The following EXT2 variants were observed in gnomAD, a reference collection of about 807,000 sequenced individuals.
EXT2 encodes exostosin glycosyltransferase 2.
EXT2 carries 53 observed loss-of-function variants against 81.6 expected under a neutral mutation model. The observed-to-expected ratio is 0.65, with a 90% CI of 0.52 to 0.82. The LOEUF is 0.82. EXT2 is among the 40% of genes least tolerant of loss of function. The pLI is 0.00. For missense variants in EXT2, 774 were observed against 910.2 expected (o/e 0.85, Z 1.93); for synonymous variants, 320 against 340.0 (o/e 0.94, Z 0.65).
chr11:44,212,963 T>C (rs896010050), intron 10 of EXT2, among the ~76,000 whole-genome samples: 3 of 152,174 alleles, frequency 2.0e-5, no homozygotes, highest in African/African-American at 4.8e-5. Context: ...TATTATGATA[T>C]GGTGGTGGTT....
At chr11:44,212,025 C>A (rs1034862037) in intron 10 of EXT2, among the ~76,000 whole-genome samples, 1 of 152,128 alleles carries the variant, frequency 6.6e-6, no homozygotes, top group South Asian at 2.1e-4. Context: ...GTGGCTCACA[C>A]CTGTAATCCC....
chr11:44,222,760 T>TA (rs879617366), intron 10 of EXT2, among the ~76,000 whole-genome samples: 107 of 146,430 alleles, frequency 7.3e-4, no homozygotes, highest in African/African-American at 1.2e-3. Flanking sequence ...GCATGATCCA[T>TA]AAAAAAAAAA....
At chr11:44,221,377 C>T (rs1590658881) in intron 10 of EXT2, among the ~76,000 whole-genome samples, 1 of 152,074 alleles carries the variant, frequency 6.6e-6, no homozygotes, top group South Asian at 2.1e-4. Context: ...AATATGAGAT[C>T]GTTATTTTAA....
intron 1 of EXT2, among the ~76,000 whole-genome samples, chr11:44,097,512 A>C (rs1953915483): frequency 6.6e-6 from 1 of 152,146 alleles, no homozygotes; most frequent in African/African-American, 2.4e-5. Context: ...AGAAGAGGCC[A>C]GGCGCGGTGG....
chr11:44,138,434 G>A (rs780211767), intron 7 of EXT2, among the ~76,000 whole-genome samples: 2 of 152,078 alleles, frequency 1.3e-5, no homozygotes, highest in African/African-American at 2.4e-5. Context: ...TAGGTCTCCT[G>A]ACTCCCAGTC....
At chr11:44,157,690 A>T (rs1439292365) in intron 7 of EXT2, among the ~76,000 whole-genome samples, 1 of 151,932 alleles carries the variant, frequency 6.6e-6, no homozygotes, top group Non-Finnish European at 1.5e-5. Context: ...CTGGGATAAG[A>T]CCCCAAAGTC....
chr11:44,232,519 A>G, intron 11 of EXT2, 23 bp downstream of exon 11: 1 of 1,613,438 alleles, frequency 6.2e-7, no homozygotes, highest in Non-Finnish European at 8.5e-7. Flanking sequence ...AGTCCTGGCA[A>G]GGTGACAAAA....
chr11:44,098,916 G>A (rs1953942640), intron 1 of EXT2, among the ~76,000 whole-genome samples: 1 of 152,128 alleles, frequency 6.6e-6, no homozygotes. Context: ...AAACTTGGAT[G>A]CTAAACCGTG....
intron 7 of EXT2, among the ~76,000 whole-genome samples, chr11:44,160,937 T>A (rs952251996): frequency 2.0e-5 from 3 of 152,234 alleles, no homozygotes; most frequent in Admixed American, 2.0e-4. Context: ...CACATTTGTA[T>A]CCTTTTTCTG....
intron 10 of EXT2, among the ~76,000 whole-genome samples, chr11:44,228,054 C>G (rs1955857421): frequency 6.6e-6 from 1 of 152,168 alleles, no homozygotes; most frequent in Non-Finnish European, 1.5e-5. Flanking sequence ...CCCCATTTGA[C>G]TAGTGGTGTG....
chr11:44,215,713 G>A (rs1340192992), intron 10 of EXT2, among the ~76,000 whole-genome samples: 1 of 151,916 alleles, frequency 6.6e-6, no homozygotes, highest in Non-Finnish European at 1.5e-5. Context: ...TTCTGTAATA[G>A]TTAAATTCAT....
Position 44,237,902 on chromosome 11 carries a change from TAA to T in EXT2, c.2018+1554_2018+1555del, listed in dbSNP as rs374084527. 4.7e-3 allele frequency among the ~76,000 whole-genome samples: 263 copies of T among 56,362 alleles called. 3 individuals are homozygous for T. Among genetic ancestry groups the T allele is most frequent in the African/African-American group, 0.017 (237 of 13,794 alleles). The allele number at this position is 56,362 out of a possible 152,430, so 37.0% of individuals were successfully genotyped here. A position where few individuals can be genotyped will look rare whatever the true frequency, so the allele number is the denominator to read the frequency against. ...AACATGGTGAAACCCCGTCTCTACT[TAA>T]AAAAAAAAAAAAAAAAAAAAAAAAA... is the stretch of plus-strand genomic sequence containing the variant. On this transcript the variant is annotated intron_variant, in intron 13 of 13. Coordinates refer to ENST00000533608, the MANE Select transcript of EXT2 (RefSeq NM_207122.2).
intron 9 of EXT2, among the ~76,000 whole-genome samples, chr11:44,198,920 C>T (rs1955490508): frequency 1.3e-5 from 2 of 152,122 alleles, no homozygotes; most frequent in South Asian, 4.2e-4. Context: ...GGAAGAAGTC[C>T]ATATTTCTGG....
rs11037882 is a variant in EXT2 at position 44,130,027 on chromosome 11, T to A, written c.1080-18T>A. On this transcript the variant is annotated intron_variant, in intron 6 of 13. Transcript: ENST00000533608. ...TGAAGGGCTGTGTGTATGTAAACTG[T>A]TTTGCTGTTGTCTCCAGAGCATCTG... 495,730 of 1,601,054 alleles carry A rather than the reference T, an allele frequency of 0.31. 82,186 individuals are homozygous for A. The highest frequency in any genetic ancestry group is 0.54 in the Admixed American group (32,419 of 59,970).
intron 1 of EXT2, chr11:44,096,312 G>A (rs1275113171): frequency 1.2e-5 from 19 of 1,535,830 alleles, no homozygotes; most frequent in Non-Finnish European, 1.6e-5. Flanking sequence ...GCCAGAAGCC[G>A]TGGGACGAGG....
chr11:44,175,436 G>A lies in EXT2; in HGVS notation c.1305+3694G>A, dbSNP rs552711093. 4.7e-5 allele frequency among the ~76,000 whole-genome samples: 7 copies of A among 149,442 alleles called. No individual in the cohort carries two copies. The South Asian group carries it at 1.5e-3, about 32-fold the overall frequency. On this transcript the variant is annotated intron_variant, in intron 8 of 13. Coordinates refer to ENST00000533608, the MANE Select transcript of EXT2 (RefSeq NM_207122.2). The stretch of plus-strand genomic sequence containing the variant: ...TCTTTCAAAGAGTTCTAGATTTCTG[G>A]CAGCACAACTCAATCCTTCCTCTGT...
Position 44,171,303 on chromosome 11 carries a change from A to G in EXT2, c.1174-308A>G, listed in dbSNP as rs77919686. 1.0e-3 allele frequency among the ~76,000 whole-genome samples: 154 copies of G among 152,376 alleles called. 1 individual carries two copies. Among genetic ancestry groups the G allele is most frequent in the African/African-American group, 3.5e-3 (147 of 41,586 alleles). On this transcript the variant is annotated intron_variant, in intron 7 of 13. Coordinates refer to ENST00000533608, the MANE Select transcript of EXT2 (RefSeq NM_207122.2). Reference sequence around the variant, plus strand: ...ACAAGATTTGTGCACTTTATGTTATATAAGACAAAATACTATAAACTCTGC... The same window carrying G: ...ACAAGATTTGTGCACTTTATGTTATGTAAGACAAAATACTATAAACTCTGC...
chr11:44,207,053 A>G, intron 10 of EXT2, 94 bp downstream of exon 10: 1 of 1,410,094 alleles, frequency 7.1e-7, no homozygotes, highest in Non-Finnish European at 9.9e-7. Context: ...TTCCTTCTTA[A>G]AAGTCAGAGT....
At chr11:44,181,290 C>A (rs1019302896) in intron 8 of EXT2, among the ~76,000 whole-genome samples, 10 of 152,026 alleles carry the variant, frequency 6.6e-5, no homozygotes, top group African/African-American at 2.4e-4. Context: ...CCTTTGTAAC[C>A]TTTTTTTCCT....
Sources: gnomAD v4.1 joint callset for allele counts (sites outside exome capture counted in the v4.1 genomes callset) on GRCh38, gnomAD v4.1.1 for gene constraint, MANE v1.5 for transcripts, NCBI Gene and HGNC (gene_info 2026-07-23, HGNC 2026-07-21) for gene names.